KCNMA1: variants seen among roughly 807,000 people sequenced by gnomAD.
KCNMA1 encodes the protein potassium calcium-activated channel subfamily M alpha 1, also known as Calcium-activated potassium channel subunit alpha-1.
Under a neutral mutation model 140.0 loss-of-function variants are expected in KCNMA1, and 29 were observed. The observed-to-expected ratio is 0.21, with a 90% CI of 0.15 to 0.28. KCNMA1 has a LOEUF of 0.28. KCNMA1 is among the 10% of genes least tolerant of loss of function. KCNMA1 has a pLI of 1.00. For synonymous variants in KCNMA1, 612 were observed against 611.9 expected (o/e 1.00, Z 0.00); for missense variants, 880 against 1,602.2 (o/e 0.55, Z 7.70).
At chr10:77,192,822 G>A (rs1344874428) in intron 3 of KCNMA1, among the ~76,000 whole-genome samples, 4 of 152,072 alleles carry the variant, frequency 2.6e-5, no homozygotes, top group Non-Finnish European at 4.4e-5. Context: ...GTGTTGCACT[G>A]TAATCCAAAT....
At chr10:77,336,300 A>G (rs2088939499) in intron 2 of KCNMA1, among the ~76,000 whole-genome samples, 1 of 152,220 alleles carries the variant, frequency 6.6e-6, no homozygotes, top group Non-Finnish European at 1.5e-5. Flanking sequence ...TGCCCTAACC[A>G]ACAGATAGGC....
chr10:77,024,701 A>G (rs1468851007), intron 16 of KCNMA1, among the ~76,000 whole-genome samples: 1 of 152,194 alleles, frequency 6.6e-6, no homozygotes. Context: ...CTAGGAAAAA[A>G]AAGCCATGAG....
intron 22 of KCNMA1, among the ~76,000 whole-genome samples, chr10:76,947,010 T>C (rs904124424): frequency 5.9e-5 from 9 of 152,164 alleles, no homozygotes; most frequent in African/African-American, 2.2e-4. Context: ...AGCTCATTCA[T>C]ATACATGAAG....
chr10:77,008,676 G>T (rs1187043110), intron 18 of KCNMA1, among the ~76,000 whole-genome samples: 1 of 152,196 alleles, frequency 6.6e-6, no homozygotes, highest in Non-Finnish European at 1.5e-5. Flanking sequence ...GGGAAGGAGG[G>T]TTAGGAAGCT....
In KCNMA1 at chr10:77,309,259, A is replaced by T. The variant is rs1047741098; in HGVS notation, c.541-58003T>A. 2.6e-5 allele frequency among the ~76,000 whole-genome samples: 4 copies of T among 152,250 alleles called. No individual in the cohort carries two copies. The South Asian group carries it at 6.2e-4, about 24-fold the overall frequency. On this transcript the variant is annotated intron_variant, in intron 2 of 27. Transcript: ENST00000286628. ...TAGACATACATGTACACACGAGCCCACAACCATCTACTTCAAAGCCTCCCA... is the reference window on the plus strand; with the variant it reads ...TAGACATACATGTACACACGAGCCCTCAACCATCTACTTCAAAGCCTCCCA...
chr10:76,889,073 C>CAAACA (rs34198639), intron 27 of KCNMA1, among the ~76,000 whole-genome samples: 2 of 148,660 alleles, frequency 1.3e-5, no homozygotes, highest in Non-Finnish European at 3.0e-5. Context: ...AACAAACAAA[C>CAAACA]AAAAAACAAA....
chr10:77,426,427 C>T (rs1310918042), intron 1 of KCNMA1, among the ~76,000 whole-genome samples: 1 of 152,062 alleles, frequency 6.6e-6, no homozygotes, highest in African/African-American at 2.4e-5. Flanking sequence ...TATTATTATG[C>T]CCATTTTACG....
At chr10:77,035,257 T>C (rs1470498136) in intron 15 of KCNMA1, among the ~76,000 whole-genome samples, 1 of 152,178 alleles carries the variant, frequency 6.6e-6, no homozygotes, top group East Asian at 1.9e-4. Context: ...CTCTTCCTTC[T>C]TTATCCCCCA....
chr10:77,294,263 G>A (rs2074270179), intron 2 of KCNMA1, among the ~76,000 whole-genome samples: 1 of 152,194 alleles, frequency 6.6e-6, no homozygotes, highest in Non-Finnish European at 1.5e-5. Context: ...CACCCAATGG[G>A]TGTACTTATC....
Position 77,205,210 on chromosome 10 carries a change from G to A in KCNMA1, c.603-20294C>T, listed in dbSNP as rs113146691. ...ACAGAGGTGATTGAAGCCCCAGTTC[G>A]TTCTTCTCTCTTTGCTTCAAATGAT... On this transcript the variant is annotated intron_variant, in intron 3 of 27. Transcript: ENST00000286628. 1.2e-3 allele frequency among the ~76,000 whole-genome samples: 177 copies of A among 152,274 alleles called. 1 individual carries two copies. Among genetic ancestry groups the A allele is most frequent in the African/African-American group, 3.6e-3 (151 of 41,564 alleles).
At chr10:77,054,150 A>G (rs2095468252) in intron 14 of KCNMA1, among the ~76,000 whole-genome samples, 1 of 152,196 alleles carries the variant, frequency 6.6e-6, no homozygotes, top group Non-Finnish European at 1.5e-5. Context: ...AATCCTAGTT[A>G]GACTGGAATA....
At chr10:76,917,408 C>T (rs926939943) in intron 23 of KCNMA1, among the ~76,000 whole-genome samples, 1 of 152,218 alleles carries the variant, frequency 6.6e-6, no homozygotes, top group Non-Finnish European at 1.5e-5. Flanking sequence ...ACAGAACTCG[C>T]AACAAGCCAC....
intron 1 of KCNMA1, among the ~76,000 whole-genome samples, chr10:77,418,969 T>A (rs1486045304): frequency 2.6e-5 from 4 of 152,136 alleles, no homozygotes; most frequent in Non-Finnish European, 5.9e-5. Flanking sequence ...GGGTAATTGT[T>A]AGAAAGTGCA....
intron 2 of KCNMA1, among the ~76,000 whole-genome samples, chr10:77,369,660 C>T (rs1332633881): frequency 6.6e-6 from 1 of 152,166 alleles, no homozygotes; most frequent in Non-Finnish European, 1.5e-5. Context: ...TTTCCCTGCC[C>T]AACCCCAGGA....
At chr10:76,884,608 C>A (rs991933205), downstream of KCNMA1, 1 of 185,112 alleles carries the variant, frequency 5.4e-6, no homozygotes, top group South Asian at 1.4e-4. Flanking sequence ...AGGGAGGCCA[C>A]GTGCAGATTA....
At chr10:77,172,732 A>T (rs554177467) in intron 5 of KCNMA1, among the ~76,000 whole-genome samples, 1 of 151,860 alleles carries the variant, frequency 6.6e-6, no homozygotes, top group Non-Finnish European at 1.5e-5. Context: ...CCAAGAGTAG[A>T]GCCCCATGTC....
intron 2 of KCNMA1, among the ~76,000 whole-genome samples, chr10:77,355,795 A>G (rs1352456315): frequency 6.6e-6 from 1 of 152,220 alleles, no homozygotes; most frequent in Admixed American, 6.5e-5. Flanking sequence ...TGCAAATGAA[A>G]GCACCTAACT....
At chr10:77,323,261 T>C (rs2082888563) in intron 2 of KCNMA1, among the ~76,000 whole-genome samples, 2 of 152,222 alleles carry the variant, frequency 1.3e-5, no homozygotes, top group African/African-American at 4.8e-5. Flanking sequence ...GTCTCCATGT[T>C]GAGGACAGAC....
chr10:77,065,104 C>A (rs886376412), intron 14 of KCNMA1, among the ~76,000 whole-genome samples: 1 of 152,166 alleles, frequency 6.6e-6, no homozygotes, highest in African/African-American at 2.4e-5. Flanking sequence ...TGAGGCCAAC[C>A]GATGCATTCA....
Sources: gnomAD v4.1 joint callset for allele counts (sites outside exome capture counted in the v4.1 genomes callset) on GRCh38, gnomAD v4.1.1 for gene constraint, MANE v1.5 for transcripts, NCBI Gene and HGNC (gene_info 2026-07-23, HGNC 2026-07-21) for gene names.